Variants in DMXL2 observed in about 807,000 individuals in gnomAD.
The protein encoded by DMXL2 is dmX-like protein 2.
DMXL2 carries 103 observed loss-of-function variants against 331.1 expected under a neutral mutation model. The ratio of observed to expected loss-of-function variants is 0.31; its 90% CI spans 0.27 to 0.37. The LOEUF is 0.37. Among genes scored for constraint, DMXL2 ranks in the 10% least tolerant of loss-of-function variants. DMXL2 has a pLI of 1.00. For synonymous variants in DMXL2, 1,281 were observed against 1,252.1 expected, an observed-to-expected ratio of 1.02 and a Z score of -0.49; for missense variants, 3,171 against 3,642.9, an observed-to-expected ratio of 0.87 and a Z score of 3.33.
intron 1 of DMXL2, among the ~76,000 whole-genome samples, chr15:51,587,651 C>T (rs2051956817): frequency 6.6e-6 from 1 of 152,158 alleles, no homozygotes; most frequent in African/African-American, 2.4e-5. Flanking sequence ...GTCTTTATAG[C>T]AGCATGATTT....
chr15:51,550,402 T>C (rs2049142161), intron 6 of DMXL2, among the ~76,000 whole-genome samples: 1 of 152,154 alleles, frequency 6.6e-6, no homozygotes, highest in Admixed American at 6.6e-5. Flanking sequence ...TGTATACATT[T>C]ACATAGTATG....
chr15:51,589,594 G>C (rs1278695158), intron 1 of DMXL2, among the ~76,000 whole-genome samples: 1 of 152,150 alleles, frequency 6.6e-6, no homozygotes, highest in African/African-American at 2.4e-5. Context: ...GAGCAAAACA[G>C]GATGCATACA....
At chr15:51,553,219 T>C (rs2049331434) in intron 6 of DMXL2, among the ~76,000 whole-genome samples, 1 of 152,230 alleles carries the variant, frequency 6.6e-6, no homozygotes, top group African/African-American at 2.4e-5. Context: ...TTGTCTATCA[T>C]CTTCATCATA....
intron 13 of DMXL2, among the ~76,000 whole-genome samples, chr15:51,527,787 AAC>A (rs1426383639): frequency 1.3e-5 from 2 of 152,120 alleles, no homozygotes; most frequent in South Asian, 2.1e-4. Flanking sequence ...TACACAGAAA[AAC>A]ACAGAATATT....
chr15:51,608,960 T>A (rs1676142162), intron 1 of DMXL2, among the ~76,000 whole-genome samples: 1 of 152,162 alleles, frequency 6.6e-6, no homozygotes, highest in Non-Finnish European at 1.5e-5. Flanking sequence ...AATAATAATG[T>A]CTTCCAGGGT....
intron 6 of DMXL2, among the ~76,000 whole-genome samples, chr15:51,550,512 T>C (rs2049148975): frequency 6.6e-6 from 1 of 152,194 alleles, no homozygotes; most frequent in Non-Finnish European, 1.5e-5. Flanking sequence ...GTGAGAAGAC[T>C]TGAAATTTAC....
intron 15 of DMXL2, among the ~76,000 whole-genome samples, chr15:51,511,582 A>G (rs913787765): frequency 6.6e-6 from 1 of 152,204 alleles, no homozygotes; most frequent in Non-Finnish European, 1.5e-5. Context: ...AGGCTTTTAC[A>G]CTGTTGGTGG....
chr15:51,583,461 A>AT (rs2051628390), intron 1 of DMXL2, among the ~76,000 whole-genome samples: 1 of 44,496 alleles, frequency 2.2e-5, no homozygotes, highest in African/African-American at 8.3e-5. Context: ...TGAACTCATC[A>AT]TTTTTTATGG....
rs1479177101 is a variant in DMXL2 at position 51,480,860 on chromosome 15, A to G, written c.6246T>C (p.Ala2082=). The change falls in exon 24 of 44, where the codon GCT becomes GCC. Residue 2082 remains alanine, a synonymous_variant. Coordinates refer to ENST00000560891, the MANE Select transcript of DMXL2 (RefSeq NM_001378457.1). ...QLYNWLEKEI[A]ALHEICNHES... Reference sequence around the variant, plus strand: ...CATGATTACATATCTCATGCAAGGCAGCAATTTCCTTTTCAAGCCAGTTAT... The same window carrying G: ...CATGATTACATATCTCATGCAAGGCGGCAATTTCCTTTTCAAGCCAGTTAT... 1.2e-6 allele frequency: 2 copies of G among 1,613,134 alleles called. No individual in the cohort carries two copies. Among genetic ancestry groups the G allele is most frequent in the South Asian group, 2.2e-5 (2 of 90,872 alleles).
intron 2 of DMXL2, among the ~76,000 whole-genome samples, chr15:51,569,240 C>G (rs933830306): frequency 9.2e-5 from 14 of 152,160 alleles, no homozygotes; most frequent in African/African-American, 2.9e-4. Context: ...CTGGGACACT[C>G]GAGCTTGGTG....
Position 51,498,592 on chromosome 15 carries a change from A to AG in DMXL2, c.4631dup (p.Ser1545Ter). The stretch of plus-strand genomic sequence containing the variant: ...CTCTGCTTTCATCAAGCTCAGTACT[A>AG]GTAGTAGCCACTGTATCAGCCAAAG... On this transcript the variant is annotated frameshift_variant, in exon 18 of 44. Transcript: ENST00000560891. LOFTEE classifies it high-confidence loss of function. The AG allele has an allele frequency of 1.2e-6, 2 of 1,614,112 alleles. No homozygotes were observed. The highest frequency in any genetic ancestry group is 1.7e-6 in the Non-Finnish European group (2 of 1,179,968).
chr15:51,557,377 A>T (rs963619402), intron 6 of DMXL2, among the ~76,000 whole-genome samples: 2 of 152,168 alleles, frequency 1.3e-5, no homozygotes, highest in Non-Finnish European at 2.9e-5. Context: ...TGAGGAAAAA[A>T]AGGTCTAAAA....
chr15:51,490,925 AAG>A (rs2042749747), intron 20 of DMXL2, among the ~76,000 whole-genome samples: 1 of 152,150 alleles, frequency 6.6e-6, no homozygotes. Flanking sequence ...TTTGTATAAA[AAG>A]AGTTTTTTAA....
chr15:51,595,642 A>T (rs1334782931), intron 1 of DMXL2, among the ~76,000 whole-genome samples: 1 of 152,246 alleles, frequency 6.6e-6, no homozygotes, highest in Non-Finnish European at 1.5e-5. Flanking sequence ...ACAAAGCTGG[A>T]GGCATCACGC....
At position 51,499,962 on chromosome 15, in the gene DMXL2, G is replaced by C; in HGVS notation, c.3262C>G (p.Gln1088Glu). 1 of 1,613,968 alleles carries C rather than the reference G, an allele frequency of 6.2e-7. No individual in the cohort carries two copies. Among genetic ancestry groups the C allele is most frequent in the Non-Finnish European group, 8.5e-7 (1 of 1,179,950 alleles). The stretch of plus-strand genomic sequence containing the variant: ...ACAAAACCATTATGGTGGATAGGCT[G>C]CTTATAAGCCACTGCAAGGCGACCT... ...YTGRLAVAYK[Q>E]PIHHNGFVSK... is the part of the protein sequence containing the mutation. Residue 1088 changes from glutamine (Q) to glutamate (E), a missense_variant, in exon 18 of 44, where the codon CAG (glutamine) becomes GAG (glutamate). Physicochemically the swap from Gln to Glu is conservative, Grantham distance 29. Coordinates refer to ENST00000560891, the MANE Select transcript of DMXL2 (RefSeq NM_001378457.1).
At chr15:51,601,162 G>C (rs182385625) in intron 1 of DMXL2, among the ~76,000 whole-genome samples, 17 of 151,952 alleles carry the variant, frequency 1.1e-4, no homozygotes, top group African/African-American at 4.1e-4. Flanking sequence ...GTGGTGGCAG[G>C]CGCCTGTAGT....
intron 1 of DMXL2, among the ~76,000 whole-genome samples, chr15:51,588,362 T>C (rs946323161): frequency 1.3e-5 from 2 of 152,132 alleles, no homozygotes; most frequent in Non-Finnish European, 2.9e-5. Context: ...TTTCACCATG[T>C]TGTCCAGGCT....
chr15:51,532,279 C>A (rs2048043483), intron 13 of DMXL2, among the ~76,000 whole-genome samples: 1 of 151,826 alleles, frequency 6.6e-6, no homozygotes, highest in Non-Finnish European at 1.5e-5. Context: ...AAGCCAGGCA[C>A]AGAAATACAA....
chr15:51,527,708 C>T (rs754897520), intron 13 of DMXL2, among the ~76,000 whole-genome samples: 6 of 145,648 alleles, frequency 4.1e-5, no homozygotes, highest in East Asian at 2.0e-4. Context: ...GGTGAAAGAG[C>T]GAGATTCTGC....
Sources: gnomAD v4.1 joint callset for allele counts (sites outside exome capture counted in the v4.1 genomes callset) on GRCh38, gnomAD v4.1.1 for gene constraint, MANE v1.5 for transcripts, NCBI Gene and HGNC (gene_info 2026-07-23, HGNC 2026-07-21) for gene names.